ANAPC5: variants seen among roughly 807,000 people sequenced by gnomAD.
ANAPC5 encodes anaphase-promoting complex subunit 5.
A neutral mutation model predicts 91.3 loss-of-function variants in ANAPC5; 60 were observed. The ratio of observed to expected loss-of-function variants is 0.66; its 90% confidence interval spans 0.53 to 0.81. The LOEUF is 0.81. ANAPC5 is among the 40% of genes least tolerant of loss of function. The pLI is 0.00. For synonymous variants in ANAPC5, 340 were observed against 364.1 expected, an observed-to-expected ratio of 0.93 and a Z score of 0.75; for missense variants, 690 against 931.5, an observed-to-expected ratio of 0.74 and a Z score of 3.37.
intron 11 of ANAPC5, among the ~76,000 whole-genome samples, chr12:121,325,804 T>C (rs1400087428): frequency 1.3e-5 from 2 of 152,092 alleles, no homozygotes; most frequent in Non-Finnish European, 2.9e-5. Flanking sequence ...GAGGCAGAGG[T>C]TGCAGTGAGC....
chr12:121,319,915 C>T lies in ANAPC5; in HGVS notation c.1516-97G>A, dbSNP rs568168287. The stretch of plus-strand genomic sequence containing the variant: ...TTGGATTGCTTAGCAAATATCCTTA[C>T]AATAATTCACACATATTCTTTTTTG... On this transcript the variant is annotated intron_variant, in intron 12 of 16. Transcript: ENST00000261819. The T allele has an allele frequency of 3.4e-6, 4 of 1,166,308 alleles. No individual in the cohort carries two copies. In the African/African-American group the frequency reaches 6.5e-5, roughly 19 times the overall value. 72.2% of individuals were successfully genotyped at this position (1,166,308 alleles called of 1,614,324 possible). A position where few individuals can be genotyped will look rare whatever the true frequency, so the allele number is the denominator to read the frequency against.
At chr12:121,338,448 G>A (rs1418824806) in intron 5 of ANAPC5, among the ~76,000 whole-genome samples, 7 of 151,976 alleles carry the variant, frequency 4.6e-5, no homozygotes, top group Non-Finnish European at 1.0e-4. Context: ...CATTAGCCGG[G>A]TGTGGTGGCG....
chr12:121,335,812 T>C, intron 6 of ANAPC5, 89 bp from the exon 7 acceptor site: 1 of 1,109,290 alleles, frequency 9.0e-7, no homozygotes, highest in Non-Finnish European at 1.3e-6. Flanking sequence ...CTACAAACAC[T>C]AGTGTATCCC....
chr12:121,334,480 G>C (rs369115044), intron 7 of ANAPC5: 1 of 152,176 alleles, frequency 6.6e-6, no homozygotes, highest in African/African-American at 2.4e-5. Flanking sequence ...AGGGCAGGTG[G>C]GGGGGTGAAG....
chr12:121,329,400 C>T (rs782615086), intron 9 of ANAPC5, among the ~76,000 whole-genome samples: 1 of 152,150 alleles, frequency 6.6e-6, no homozygotes, highest in Non-Finnish European at 1.5e-5. Flanking sequence ...GATCCACCCG[C>T]CTTGGCCTCC....
intron 6 of ANAPC5, 54 bp downstream of exon 6, chr12:121,337,237 A>T (rs1555273579): frequency 2.8e-6 from 4 of 1,428,388 alleles, no homozygotes; most frequent in African/African-American, 1.4e-5. Flanking sequence ...CAAACAAAAA[A>T]AGTTGCCTTG....
chr12:121,319,930 A>T, intron 12 of ANAPC5, 112 bp from the exon 13 acceptor site: 4 of 1,102,328 alleles, frequency 3.6e-6, no homozygotes, highest in Non-Finnish European at 5.0e-6. Flanking sequence ...ATTCACACAT[A>T]TTCTTTTTTG....
intron 7 of ANAPC5, chr12:121,332,411 T>G (rs1903075449): frequency 6.6e-6 from 1 of 152,094 alleles, no homozygotes. Flanking sequence ...ATTGAAGGAG[T>G]TGAGTGACCT....
At chr12:121,326,963 G>T in intron 11 of ANAPC5, 133 bp downstream of exon 11, 1 of 1,245,156 alleles carries the variant, frequency 8.0e-7, no homozygotes, top group Non-Finnish European at 1.1e-6. Flanking sequence ...CCACTGGTGG[G>T]ATTTCACTCT....
chr12:121,330,866 T>C, intron 8 of ANAPC5, 194 bp from the exon 9 acceptor site: 1 of 517,608 alleles, frequency 1.9e-6, no homozygotes, highest in East Asian at 3.4e-5. Context: ...CTGAAATAAA[T>C]GAGTCATTGT....
chr12:121,342,124 T>C lies in ANAPC5; in HGVS notation c.591-55A>G. On this transcript the variant is annotated intron_variant, in intron 4 of 16. Coordinates refer to ENST00000261819, the MANE Select transcript of ANAPC5 (RefSeq NM_016237.5). This position sits in a 1 kb window ranked among gnomAD's most constrained non-coding sequence, Gnocchi z 4.1. ...AAGAATTACACAAAAGTAAAAATGA[T>C]AACATTTATAAAATCAGATGGATTC... 3.1e-6 allele frequency: 4 copies of C among 1,287,552 alleles called. No individual in the cohort carries two copies. The highest frequency in any genetic ancestry group is 4.3e-6 in the Non-Finnish European group (4 of 919,610). 79.8% of individuals were successfully genotyped at this position (1,287,552 alleles called of 1,614,324 possible). A position where few individuals can be genotyped will look rare whatever the true frequency, so the allele number is the denominator to read the frequency against.
chr12:121,309,722 C>T lies in ANAPC5; in HGVS notation c.2035G>A (p.Asp679Asn), dbSNP rs760561463. The change falls in exon 16 of 17, where the codon GAT becomes AAT. Residue 679 changes from aspartate (D) to asparagine (N), a missense_variant. Around this residue, in one of 5 missense-constraint regions of ANAPC5, gnomAD observed 317 missense variants for 438.7 expected, o/e 0.72. Transcript: ENST00000261819. ...KCQVASAASYDQPKKAEALEA... is the reference protein window; with the variant it reads ...KCQVASAASYNQPKKAEALEA... ...CTACCTTCTGCTTTCTTCGGCTGAT[C>T]GTAGGAAGCTGCTGAAGCCACCTGG... The T allele has an allele frequency of 1.3e-5, 21 of 1,613,760 alleles. No individual in the cohort carries two copies. The highest frequency in any genetic ancestry group is 1.2e-4 in the Admixed American group (7 of 59,964).
chr12:121,309,158 A>T (rs1269609194), intron 16 of ANAPC5, among the ~76,000 whole-genome samples: 2 of 149,196 alleles, frequency 1.3e-5, no homozygotes, highest in Admixed American at 6.7e-5. Context: ...AAAAAAAAAA[A>T]AAAAAAAAAA....
At chr12:121,308,982 C>G (rs1593568291) in intron 16 of ANAPC5, among the ~76,000 whole-genome samples, 1 of 151,342 alleles carries the variant, frequency 6.6e-6, no homozygotes, top group African/African-American at 2.4e-5. Flanking sequence ...AACCTTGTCT[C>G]TACTAAAAAT....
At position 121,342,241 on chromosome 12, in the gene ANAPC5, C is replaced by CAT. The variant is rs1903487780; in HGVS notation, c.591-174_591-173dup. Among the ~76,000 whole-genome samples the CAT allele has an allele frequency of 6.6e-6, 1 of 152,078 alleles. No homozygotes were observed. Among genetic ancestry groups the CAT allele is most frequent in the South Asian group, 2.1e-4 (1 of 4,822 alleles). ...GATGTTGAGATCAATGCACAGAGCCCATAAAGAAGCCCTGGCATGCATGGT... is the reference window on the plus strand; with the variant it reads ...GATGTTGAGATCAATGCACAGAGCCCATATAAAGAAGCCCTGGCATGCATGGT... On this transcript the variant is annotated intron_variant, in intron 4 of 16. Coordinates refer to ENST00000261819, the MANE Select transcript of ANAPC5 (RefSeq NM_016237.5). This position sits in a 1 kb window ranked among gnomAD's most constrained non-coding sequence, Gnocchi z 4.1.
chr12:121,329,345 G>C (rs1198769551), intron 9 of ANAPC5, among the ~76,000 whole-genome samples: 2 of 152,058 alleles, frequency 1.3e-5, no homozygotes, highest in Non-Finnish European at 2.9e-5. Context: ...GTAGAGACGA[G>C]CTTTTACCAT....
chr12:121,350,738 T>C (rs368577703), intron 1 of ANAPC5, among the ~76,000 whole-genome samples: 2 of 151,790 alleles, frequency 1.3e-5, no homozygotes, highest in African/African-American at 4.8e-5. Context: ...TCGCATTTCA[T>C]TCATTTTACA....
intron 4 of ANAPC5, among the ~76,000 whole-genome samples, chr12:121,343,503 A>C (rs1331543879): frequency 1.3e-5 from 2 of 152,230 alleles, no homozygotes; most frequent in Non-Finnish European, 2.9e-5. Flanking sequence ...AAGGCAGAGG[A>C]GCAGCAGGCC....
At chr12:121,330,542 G>A (rs782121964) in intron 9 of ANAPC5, 41 bp downstream of exon 9, 35 of 1,550,952 alleles carry the variant, frequency 2.3e-5, no homozygotes, top group Non-Finnish European at 2.9e-5. Context: ...ACAAAGGCTC[G>A]ACCATTTATG....
Sources: gnomAD v4.1 joint callset for allele counts (sites outside exome capture counted in the v4.1 genomes callset) on GRCh38, gnomAD v4.1.1 for gene constraint, gnomAD v4.1.1 regional missense constraint, Gnocchi (gnomAD v3.1) non-coding constraint, MANE v1.5 for transcripts, NCBI Gene and HGNC (gene_info 2026-07-23, HGNC 2026-07-21) for gene names.